Variants in SPATA6 observed in about 807,000 individuals in gnomAD.
SPATA6 encodes the protein spermatogenesis associated 6, also known as spermatogenesis-associated protein 6.
SPATA6 carries 56 observed loss-of-function variants against 65.3 expected under a neutral mutation model. The ratio of observed to expected loss-of-function variants is 0.86; its 90% CI spans 0.69 to 1.07. The LOEUF is 1.07. SPATA6 is among the 50% of genes least tolerant of loss of function. SPATA6 has a pLI of 0.00. For synonymous variants in SPATA6, 199 were observed against 213.2 expected (o/e 0.93, Z 0.58); for missense variants, 590 against 594.8 (o/e 0.99, Z 0.08).
intron 9 of SPATA6, among the ~76,000 whole-genome samples, chr1:48,376,852 T>C (rs776886854): frequency 2.6e-5 from 4 of 152,188 alleles, no homozygotes; most frequent in Non-Finnish European, 4.4e-5. Context: ...TACTGAATGC[T>C]GTAAGCAATT....
intron 11 of SPATA6, among the ~76,000 whole-genome samples, chr1:48,313,823 A>C (rs1238056892): frequency 6.6e-6 from 1 of 152,222 alleles, no homozygotes; most frequent in Non-Finnish European, 1.5e-5. Flanking sequence ...AGACACACAT[A>C]GGCTCAAAAT....
At chr1:48,302,564 G>A (rs1644965806) in intron 12 of SPATA6, among the ~76,000 whole-genome samples, 1 of 152,154 alleles carries the variant, frequency 6.6e-6, no homozygotes, top group Non-Finnish European at 1.5e-5. Flanking sequence ...AGCCTATAAG[G>A]CTTCCATATT....
chr1:48,450,769 T>C (rs539210377), intron 3 of SPATA6, among the ~76,000 whole-genome samples: 10 of 152,326 alleles, frequency 6.6e-5, no homozygotes, highest in Admixed American at 1.3e-4. Context: ...GATTCTTGCA[T>C]GTTCCAGGCT....
chr1:48,274,051 G>A, the SPATA6 span, among the ~76,000 whole-genome samples: 2 of 152,104 alleles, frequency 1.3e-5, no homozygotes, highest in Non-Finnish European at 2.9e-5. Flanking sequence ...GGCATGAGAT[G>A]GTATCTCATT....
rs1177289376 is a variant in SPATA6, at chr1:48,453,154, G to A, written c.52-23C>T. 3 of 1,600,348 alleles carry A rather than the reference G, an allele frequency of 1.9e-6. No individual in the cohort carries two copies. In the South Asian group the frequency reaches 3.4e-5, roughly 18 times the overall value. On this transcript the variant is annotated intron_variant, in intron 1 of 12. Transcript: ENST00000371847. ...TACCTGAAAGAAATTAGATAAAATG[G>A]ATGTAACTGCTTTATAAATTCCCTG...
intron 9 of SPATA6, among the ~76,000 whole-genome samples, chr1:48,361,531 C>A (rs1646812697): frequency 6.6e-6 from 1 of 152,028 alleles, no homozygotes; most frequent in Non-Finnish European, 1.5e-5. Flanking sequence ...ATATTTGAGT[C>A]CCAGTCATGT....
downstream of SPATA6, among the ~76,000 whole-genome samples, chr1:48,293,775 T>C (rs918701388): frequency 6.6e-6 from 1 of 152,168 alleles, no homozygotes; most frequent in Non-Finnish European, 1.5e-5. Context: ...TCAAGTAATT[T>C]CAATTATTAT....
intron 3 of SPATA6, among the ~76,000 whole-genome samples, chr1:48,451,309 C>T (rs1191898539): frequency 1.3e-5 from 2 of 152,170 alleles, no homozygotes; most frequent in African/African-American, 4.8e-5. Context: ...AAATAAGTCT[C>T]TGTTTTCCAC....
rs367948505 is a variant in SPATA6 at position 48,323,117 on chromosome 1, C to T, written c.1195-17239G>A. 3.9e-5 allele frequency among the ~76,000 whole-genome samples: 6 copies of T among 152,286 alleles called. No individual in the cohort carries two copies. The East Asian group carries it at 9.6e-4, about 24-fold the overall frequency. On this transcript the variant is annotated intron_variant, in intron 11 of 12. Transcript: ENST00000371847. The stretch of plus-strand genomic sequence containing the variant: ...AATCATTCTACTATAAAGACACATG[C>T]ACACATGTTTACTGCAGCACTGTTC...
the SPATA6 span, among the ~76,000 whole-genome samples, chr1:48,279,393 G>A: frequency 6.6e-6 from 1 of 152,240 alleles, no homozygotes; most frequent in South Asian, 2.1e-4. Flanking sequence ...TGGCAAACAG[G>A]ACAAAGAGTC....
At chr1:48,269,640 T>C in the SPATA6 span, among the ~76,000 whole-genome samples, 2 of 152,086 alleles carry the variant, frequency 1.3e-5, no homozygotes, top group South Asian at 2.1e-4. Context: ...ATTTCATAGG[T>C]AGACAAAGAT....
rs1462874096 is a variant in SPATA6 at position 48,436,140 on chromosome 1, C to G, written c.238+15412G>C. On this transcript the variant is annotated intron_variant, in intron 3 of 12. Transcript: ENST00000371847. ...TATGTTCCACCAACGTTTCTCACTA[C>G]GAGCTCCAAGTAGAAACAGGAAGAG... is the stretch of plus-strand genomic sequence containing the variant. 5 of 1,610,004 alleles carry G rather than the reference C, an allele frequency of 3.1e-6. No individual in the cohort carries two copies. The East Asian group carries it at 1.1e-4, about 36-fold the overall frequency.
chr1:48,450,845 A>G (rs1034801629), intron 3 of SPATA6, among the ~76,000 whole-genome samples: 8 of 152,216 alleles, frequency 5.3e-5, no homozygotes, highest in Non-Finnish European at 8.8e-5. Context: ...AAGGAAAGTT[A>G]ATAATGATTA....
In SPATA6 at chr1:48,472,067, G is replaced by A. The variant is rs1658310437; in HGVS notation, c.-59C>T. 8.5e-7 allele frequency: 1 copy of A among 1,170,956 alleles called. No individual in the cohort carries two copies. The highest frequency in any genetic ancestry group is 1.2e-6 in the Non-Finnish European group (1 of 864,500). 72.5% of individuals were successfully genotyped at this position (1,170,956 alleles called of 1,614,324 possible). A position where few individuals can be genotyped will look rare whatever the true frequency, so the allele number is the denominator to read the frequency against. On this transcript the variant is annotated 5_prime_UTR_variant, in exon 1 of 13. Transcript: ENST00000371847. ...GCCACGGGCCCGAGTGAGGCGGGGA[G>A]ACCTGGGGCTGGGCGGGGACGGGGA...
chr1:48,305,432 C>T (rs376406373), intron 12 of SPATA6, among the ~76,000 whole-genome samples: 4 of 151,820 alleles, frequency 2.6e-5, no homozygotes, highest in Admixed American at 6.6e-5. Context: ...AAATTATAGG[C>T]GAGAATAGAA....
intron 3 of SPATA6, among the ~76,000 whole-genome samples, chr1:48,418,274 A>G (rs1220320167): frequency 6.6e-6 from 1 of 152,152 alleles, no homozygotes; most frequent in African/African-American, 2.4e-5. Flanking sequence ...AGAACAAAAA[A>G]GGGAAAATGC....
At chr1:48,314,103 CACCCCACTGTCAACATTAGACAGATCA>C (rs1252948726) in intron 11 of SPATA6, among the ~76,000 whole-genome samples, 2 of 152,142 alleles carry the variant, frequency 1.3e-5, no homozygotes, top group Non-Finnish European at 2.9e-5. Context: ...GAGACTTTGA[CACCCCACTGTCAACATTAGACAGATCA>C]ACGAGACACA....
intron 1 of SPATA6, among the ~76,000 whole-genome samples, chr1:48,471,726 G>A (rs1230642487): frequency 6.6e-6 from 1 of 152,208 alleles, no homozygotes; most frequent in Non-Finnish European, 1.5e-5. Context: ...CGCGCAAGTT[G>A]GAAGTCGGGT....
At chr1:48,312,390 A>G (rs1352385580) in intron 11 of SPATA6, among the ~76,000 whole-genome samples, 1 of 152,168 alleles carries the variant, frequency 6.6e-6, no homozygotes, top group Non-Finnish European at 1.5e-5. Flanking sequence ...GCTGTTCACC[A>G]AGATCCGCTG....
Sources: allele counts gnomAD v4.1 joint callset (sites outside exome capture counted in the v4.1 genomes callset), GRCh38; gene constraint gnomAD v4.1.1; transcripts MANE v1.5; gene names NCBI Gene and HGNC (gene_info 2026-07-23, HGNC 2026-07-21).